Variants in TAFA2 observed in about 807,000 individuals in gnomAD.
The protein encoded by TAFA2 is chemokine-like protein TAFA-2.
In TAFA2, 7 loss-of-function variants were observed where a neutral mutation model predicts 18.8. The ratio of observed to expected loss-of-function variants is 0.37; its 90% CI spans 0.21 to 0.70. TAFA2 has a LOEUF of 0.70. Among genes scored for constraint, TAFA2 ranks in the 30% least tolerant of loss-of-function variants. The pLI is 0.53. For missense variants in TAFA2, 122 were observed against 158.1 expected (o/e 0.77, Z 1.23); for synonymous variants, 60 against 54.2 (o/e 1.11, Z -0.47).
At chr12:61,724,425 G>GAAC (rs1453483867) in intron 4 of TAFA2, among the ~76,000 whole-genome samples, 1 of 149,976 alleles carries the variant, frequency 6.7e-6, no homozygotes, top group African/African-American at 2.5e-5. Flanking sequence ...GGAACAGGTG[G>GAAC]TTTTTGGTTA....
intron 2 of TAFA2, among the ~76,000 whole-genome samples, chr12:61,795,113 C>A (rs570501490): frequency 6.6e-6 from 1 of 152,210 alleles, no homozygotes; most frequent in African/African-American, 2.4e-5. Flanking sequence ...GAAATAGGAA[C>A]ACTTTTACAC....
intron 1 of TAFA2, among the ~76,000 whole-genome samples, chr12:62,069,555 C>A (rs1003311382): frequency 6.6e-6 from 1 of 152,076 alleles, no homozygotes; most frequent in East Asian, 1.9e-4. Context: ...GAAAAATGGA[C>A]AAGAAATGCC....
Position 62,057,884 on chromosome 12 carries a change from C to T in TAFA2, c.-2+133375G>A, listed in dbSNP as rs577718962. Among the ~76,000 whole-genome samples the T allele has an allele frequency of 2.6e-5, 4 of 152,242 alleles. No individual in the cohort carries two copies. The South Asian group carries it at 6.2e-4, about 24-fold the overall frequency. ...GTAACCACAGGTTTCTGATTTTCTT[C>T]GCTCACCATTCCCTCTTGCATTCAG... On this transcript the variant is annotated intron_variant, in intron 1 of 4. Coordinates refer to ENST00000416284, the MANE Select transcript of TAFA2 (RefSeq NM_178539.5).
At chr12:62,162,406 T>C (rs531119021) in intron 1 of TAFA2, among the ~76,000 whole-genome samples, 11 of 152,330 alleles carry the variant, frequency 7.2e-5, no homozygotes, top group Middle Eastern at 3.4e-3. Flanking sequence ...AGTTCCTGTT[T>C]ATCTTGAAAC....
chr12:61,954,715 T>G (rs1878592038), intron 1 of TAFA2, among the ~76,000 whole-genome samples: 1 of 152,166 alleles, frequency 6.6e-6, no homozygotes, highest in Admixed American at 6.6e-5. Context: ...GAGCTGCTTA[T>G]TACAATGTTA....
intron 2 of TAFA2, among the ~76,000 whole-genome samples, chr12:61,782,084 GA>G (rs1870528864): frequency 6.6e-6 from 1 of 151,540 alleles, no homozygotes; most frequent in Non-Finnish European, 1.5e-5. Context: ...ATATTTCCAT[GA>G]AACTATTTGA....
chr12:62,196,645 G>A (rs2062650265), upstream of TAFA2, among the ~76,000 whole-genome samples: 1 of 152,072 alleles, frequency 6.6e-6, no homozygotes, highest in Non-Finnish European at 1.5e-5. Context: ...ATCTTACATA[G>A]GCACAGTTCA....
intron 1 of TAFA2, among the ~76,000 whole-genome samples, chr12:61,917,159 C>T (rs968372595): frequency 6.6e-6 from 1 of 152,088 alleles, no homozygotes; most frequent in South Asian, 2.1e-4. Flanking sequence ...GGCAGGACTG[C>T]CTTGACAGCA....
chr12:61,925,594 A>G (rs1877254526), intron 1 of TAFA2, among the ~76,000 whole-genome samples: 1 of 152,184 alleles, frequency 6.6e-6, no homozygotes, highest in Non-Finnish European at 1.5e-5. Flanking sequence ...TTAAATCTGT[A>G]CCAGATAAAG....
chr12:61,807,137 C>G (rs1871651743), intron 2 of TAFA2, among the ~76,000 whole-genome samples: 1 of 151,290 alleles, frequency 6.6e-6, no homozygotes, highest in African/African-American at 2.5e-5. Flanking sequence ...CATTACAGGC[C>G]AGGAGGTCTA....
At chr12:62,030,497 A>G (rs764949099) in intron 1 of TAFA2, among the ~76,000 whole-genome samples, 1 of 152,186 alleles carries the variant, frequency 6.6e-6, no homozygotes. Context: ...AGGCAAGAGC[A>G]TGATCTGAAA....
intron 1 of TAFA2, among the ~76,000 whole-genome samples, chr12:61,980,089 T>G (rs1053162647): frequency 1.3e-5 from 2 of 152,058 alleles, no homozygotes; most frequent in African/African-American, 4.8e-5. Flanking sequence ...CTGTTTAGAA[T>G]AACTCCAGAT....
At chr12:61,815,670 A>T (rs1332410328) in intron 2 of TAFA2, among the ~76,000 whole-genome samples, 1 of 151,236 alleles carries the variant, frequency 6.6e-6, no homozygotes, top group Non-Finnish European at 1.5e-5. Context: ...CTAAAAAAAA[A>T]AAAAAAGTAG....
chr12:62,009,948 T>C (rs1171074296), intron 1 of TAFA2, among the ~76,000 whole-genome samples: 1 of 152,168 alleles, frequency 6.6e-6, no homozygotes, highest in African/African-American at 2.4e-5. Context: ...CTTTGAAAAC[T>C]GCCCCCAAAT....
In TAFA2 at chr12:61,910,745, C is replaced by T. The variant is rs953052032; in HGVS notation, c.-1-43319G>A. ...GCAGGAATTGTTCTGGGTCTTGAAA[C>T]TACTTAAAGGTCAAAACTTCTTGCT... On this transcript the variant is annotated intron_variant, in intron 1 of 4. Coordinates refer to ENST00000416284, the MANE Select transcript of TAFA2 (RefSeq NM_178539.5). 3.9e-5 allele frequency among the ~76,000 whole-genome samples: 6 copies of T among 152,208 alleles called. No homozygotes were observed. In the South Asian group the frequency reaches 6.2e-4, roughly 16 times the overall value.
chr12:62,041,154 C>T (rs1387707632), intron 1 of TAFA2, among the ~76,000 whole-genome samples: 1 of 152,096 alleles, frequency 6.6e-6, no homozygotes, highest in Non-Finnish European at 1.5e-5. Context: ...TATAAGCCTG[C>T]AGGCATTATG....
chr12:62,194,354 T>C (rs2062640327), upstream of TAFA2, among the ~76,000 whole-genome samples: 1 of 151,884 alleles, frequency 6.6e-6, no homozygotes, highest in African/African-American at 2.4e-5. Context: ...GCATACATTA[T>C]AATCTTTCTA....
At position 61,761,928 on chromosome 12, in the gene TAFA2, A is replaced by G. The variant is rs79836348; in HGVS notation, c.107-6904T>C. On this transcript the variant is annotated intron_variant, in intron 2 of 4. Transcript: ENST00000416284. Reference sequence around the variant, plus strand: ...CCTAATGGATTAGCACCATCCCCCTAGTCCTGTTCTTGTGAAAGAAATTTG... The same window carrying G: ...CCTAATGGATTAGCACCATCCCCCTGGTCCTGTTCTTGTGAAAGAAATTTG... Among the ~76,000 whole-genome samples, 838 of 152,106 alleles carry G rather than the reference A, an allele frequency of 5.5e-3. 3 individuals carry two copies. The highest frequency in any genetic ancestry group is 0.019 in the African/African-American group (794 of 41,536).
At chr12:62,052,986 A>G (rs1882095102) in intron 1 of TAFA2, among the ~76,000 whole-genome samples, 2 of 152,204 alleles carry the variant, frequency 1.3e-5, no homozygotes, top group South Asian at 4.1e-4. Context: ...AGAAAAGGTG[A>G]AAAGGTTAGT....
Sources: gnomAD v4.1 joint callset for allele counts (sites outside exome capture counted in the v4.1 genomes callset) on GRCh38, gnomAD v4.1.1 for gene constraint, MANE v1.5 for transcripts, NCBI Gene and HGNC (gene_info 2026-07-23, HGNC 2026-07-21) for gene names.